GPC6: variants seen among roughly 807,000 people sequenced by gnomAD.
GPC6 encodes glypican-6.
GPC6 carries 14 observed loss-of-function variants against 55.2 expected under a neutral mutation model. The observed-to-expected ratio is 0.25, with a 90% CI of 0.17 to 0.40. GPC6 has a LOEUF of 0.40. Among genes scored for constraint, GPC6 ranks in the 10% least tolerant of loss-of-function variants. The pLI, the probability that GPC6 is intolerant of heterozygous loss-of-function variation, is 1.00. For synonymous variants in GPC6, 278 were observed against 259.6 expected, an observed-to-expected ratio of 1.07 and a Z score of -0.68; for missense variants, 641 against 708.5, an observed-to-expected ratio of 0.90 and a Z score of 1.08.
intron 2 of GPC6, among the ~76,000 whole-genome samples, chr13:93,583,384 C>CAAAT (rs112736582): frequency 0.062 from 9,366 of 151,778 alleles, 926 homozygotes; most frequent in African/African-American, 0.21. Flanking sequence ...GTGTGTATGA[C>CAAAT]AAACCTGCCT....
chr13:93,921,579 C>A (rs1446387140), intron 3 of GPC6, among the ~76,000 whole-genome samples: 1 of 151,832 alleles, frequency 6.6e-6, no homozygotes, highest in Admixed American at 6.6e-5. Context: ...TCTGAACTTC[C>A]CCAGCCGAAT....
At position 93,783,576 on chromosome 13, in the gene GPC6, G is replaced by GTCTATCTATCTATCTATCTA. The variant is rs60855226; in HGVS notation, c.320-46569_320-46550dup. On this transcript the variant is annotated intron_variant, in intron 2 of 8. Coordinates refer to ENST00000377047, the MANE Select transcript of GPC6 (RefSeq NM_005708.5). The stretch of plus-strand genomic sequence containing the variant: ...CTGTGGTTTTGAGATCTATCTATCT[G>GTCTATCTATCTATCTATCTA]TCTATCTATCTATCTATCTATCTAT... Among the ~76,000 whole-genome samples the GTCTATCTATCTATCTATCTA allele has an allele frequency of 1.0e-3, 155 of 151,132 alleles. 1 individual carries two copies. Among genetic ancestry groups the GTCTATCTATCTATCTATCTA allele is most frequent in the South Asian group, 9.2e-3 (44 of 4,772 alleles).
chr13:93,654,730 A>G (rs1469637800), intron 2 of GPC6, among the ~76,000 whole-genome samples: 3 of 152,306 alleles, frequency 2.0e-5, no homozygotes, highest in East Asian at 1.9e-4. Context: ...GCTTTCCCCA[A>G]TAGAACCCCA....
At chr13:94,079,519 G>C (rs1186987045) in intron 4 of GPC6, among the ~76,000 whole-genome samples, 1 of 152,110 alleles carries the variant, frequency 6.6e-6, no homozygotes, top group Non-Finnish European at 1.5e-5. Context: ...TGATGTATTT[G>C]AGTTCGTTGA....
At position 93,619,646 on chromosome 13, in the gene GPC6, G is replaced by A. The variant is rs745951396; in HGVS notation, c.319+74225G>A. Among the ~76,000 whole-genome samples the A allele has an allele frequency of 9.2e-5, 14 of 152,212 alleles. 1 individual carries two copies. The highest frequency in any genetic ancestry group is 5.9e-4 in the Admixed American group (9 of 15,280). On this transcript the variant is annotated intron_variant, in intron 2 of 8. Coordinates refer to ENST00000377047, the MANE Select transcript of GPC6 (RefSeq NM_005708.5). ...TTTAGAAATGTTTTGGAGAGATGGA[G>A]TCTCTTCATGTTGCCCAGGCTGGTC...
chr13:94,075,050 A>G (rs1417686997), intron 4 of GPC6, among the ~76,000 whole-genome samples: 1 of 152,226 alleles, frequency 6.6e-6, no homozygotes, highest in Non-Finnish European at 1.5e-5. Context: ...ATAAATTTGT[A>G]TAAACCCCTA....
intron 2 of GPC6, among the ~76,000 whole-genome samples, chr13:93,670,109 TG>T (rs34582560): frequency 6.6e-6 from 1 of 152,160 alleles, no homozygotes. Context: ...AGTCTTCCTT[TG>T]GGATGTATAC....
At chr13:93,396,611 G>A (rs746797789) in intron 1 of GPC6, among the ~76,000 whole-genome samples, 37 of 150,576 alleles carry the variant, frequency 2.5e-4, no homozygotes, top group Non-Finnish European at 4.7e-4. Context: ...AGAACTATAA[G>A]CTCTGGAACT....
At chr13:93,923,161 T>G (rs1210637581) in intron 3 of GPC6, among the ~76,000 whole-genome samples, 9 of 152,236 alleles carry the variant, frequency 5.9e-5, no homozygotes, top group Admixed American at 5.2e-4. Flanking sequence ...TTTTTTGTTG[T>G]GTTTTCATTT....
intron 2 of GPC6, among the ~76,000 whole-genome samples, chr13:93,614,126 A>G (rs1465071843): frequency 6.6e-6 from 1 of 152,198 alleles, no homozygotes; most frequent in East Asian, 1.9e-4. Flanking sequence ...ACAGCAAATT[A>G]TCGGAAACCA....
intron 4 of GPC6, among the ~76,000 whole-genome samples, chr13:94,106,448 G>A (rs1886057695): frequency 1.3e-5 from 2 of 152,130 alleles, no homozygotes; most frequent in African/African-American, 2.4e-5. Context: ...GGAAAGTAAG[G>A]TGGAAGGGTT....
intron 1 of GPC6, among the ~76,000 whole-genome samples, chr13:93,338,878 T>A (rs1475052389): frequency 1.3e-5 from 2 of 152,176 alleles, no homozygotes; most frequent in Non-Finnish European, 2.9e-5. Flanking sequence ...GCTCCCTCAG[T>A]GGTTCTGAAA....
At chr13:93,397,154 T>G (rs535998312) in intron 1 of GPC6, among the ~76,000 whole-genome samples, 1 of 152,326 alleles carries the variant, frequency 6.6e-6, no homozygotes, top group African/African-American at 2.4e-5. Flanking sequence ...ATAATTATTT[T>G]AAGGATTTTG....
intron 7 of GPC6, among the ~76,000 whole-genome samples, chr13:94,390,632 C>A (rs1880601977): frequency 6.6e-6 from 1 of 152,138 alleles, no homozygotes; most frequent in South Asian, 2.1e-4. Flanking sequence ...GGGAAACCCA[C>A]CCCCATGATC....
intron 2 of GPC6, among the ~76,000 whole-genome samples, chr13:93,598,035 T>G (rs752759528): frequency 5.9e-5 from 9 of 152,112 alleles, no homozygotes; most frequent in Non-Finnish European, 1.2e-4. Flanking sequence ...TCCCAGCTAC[T>G]CAGGGGGCTG....
chr13:93,463,307 A>G (rs952061189), intron 1 of GPC6, among the ~76,000 whole-genome samples: 3 of 152,180 alleles, frequency 2.0e-5, no homozygotes, highest in Admixed American at 2.0e-4. Flanking sequence ...ATAACATCTA[A>G]AGATCTGTGT....
intron 1 of GPC6, among the ~76,000 whole-genome samples, chr13:93,425,371 A>C (rs1323894694): frequency 6.6e-6 from 1 of 152,120 alleles, no homozygotes; most frequent in Non-Finnish European, 1.5e-5. Context: ...CAATTCTAAA[A>C]ACGTAGGGAA....
At chr13:93,730,217 A>G (rs912878552) in intron 2 of GPC6, among the ~76,000 whole-genome samples, 1 of 152,076 alleles carries the variant, frequency 6.6e-6, no homozygotes, top group Non-Finnish European at 1.5e-5. Context: ...TCTCTCCCAA[A>G]ACTCCTACCA....
chr13:94,239,275 A>G (rs1315075864), intron 4 of GPC6, among the ~76,000 whole-genome samples: 1 of 152,176 alleles, frequency 6.6e-6, no homozygotes, highest in African/African-American at 2.4e-5. Flanking sequence ...TGAAAAAAAC[A>G]TCATGTTGGA....
Sources: allele counts gnomAD v4.1 joint callset (sites outside exome capture counted in the v4.1 genomes callset), GRCh38; gene constraint gnomAD v4.1.1; transcripts MANE v1.5; gene names NCBI Gene and HGNC (gene_info 2026-07-23, HGNC 2026-07-21).